RNGTT: variants seen among roughly 807,000 people sequenced by gnomAD.
RNGTT encodes RNA guanylyltransferase and 5'-phosphatase.
A neutral mutation model predicts 79.3 loss-of-function variants in RNGTT; 33 were observed. The ratio of observed to expected loss-of-function variants is 0.42; its 90% CI spans 0.32 to 0.56. The LOEUF is 0.56. Ranked by LOEUF, RNGTT falls within the 20% of genes least tolerant of loss-of-function variation. The pLI is 0.17. For synonymous variants in RNGTT, 222 were observed against 235.9 expected (o/e 0.94, Z 0.54); for missense variants, 497 against 739.1 (o/e 0.67, Z 3.80).
At position 88,705,055 on chromosome 6, in the gene RNGTT, C is replaced by T. The variant is rs566836741; in HGVS notation, c.1440-26636G>A. On this transcript the variant is annotated intron_variant, in intron 13 of 15. Transcript: ENST00000369485. The stretch of plus-strand genomic sequence containing the variant: ...AAAGTAGTCTTCTCATTACTAAAGA[C>T]TTCTCAACCCTAACACTAAATTGCT... Among the ~76,000 whole-genome samples the T allele has an allele frequency of 1.1e-4, 17 of 152,190 alleles. 1 individual carries two copies. The South Asian group carries it at 3.1e-3, about 28-fold the overall frequency.
chr6:88,827,715 T>A (rs886862461), intron 11 of RNGTT, among the ~76,000 whole-genome samples: 1 of 152,036 alleles, frequency 6.6e-6, no homozygotes, highest in East Asian at 1.9e-4. Flanking sequence ...GGGAGGGGCG[T>A]CTGCCATTAC....
intron 14 of RNGTT, among the ~76,000 whole-genome samples, chr6:88,644,136 T>G (rs1773436159): frequency 1.3e-5 from 2 of 151,020 alleles, no homozygotes; most frequent in African/African-American, 4.9e-5. Context: ...GAGAGAAGAA[T>G]CAAATAGACA....
intron 14 of RNGTT, among the ~76,000 whole-genome samples, chr6:88,628,195 C>A (rs955178972): frequency 2.0e-5 from 3 of 152,034 alleles, no homozygotes; most frequent in African/African-American, 7.2e-5. Context: ...GGTATAGCGG[C>A]TATTTAAAAA....
chr6:88,628,101 G>T lies in RNGTT; in HGVS notation c.1507-13706C>A, dbSNP rs3798786. Among the ~76,000 whole-genome samples the T allele has an allele frequency of 5.7e-4, 86 of 152,186 alleles. 1 individual carries two copies. The East Asian group carries it at 0.016, about 29-fold the overall frequency. On this transcript the variant is annotated intron_variant, in intron 14 of 15. Transcript: ENST00000369485. ...CAGAGTGATAATCACATTGCTCAGA[G>T]CCCTAGAGTTTCATTTTGTGTCTCT...
intron 1 of RNGTT, 129 bp downstream of exon 1, chr6:88,963,217 C>T: frequency 1.1e-6 from 1 of 876,304 alleles, no homozygotes; most frequent in Non-Finnish European, 1.8e-6. Context: ...AAGCGTAATC[C>T]GACGGAGCAT....
chr6:88,890,454 A>T (rs1783008623), intron 8 of RNGTT, 41 bp downstream of exon 8: 1 of 1,232,646 alleles, frequency 8.1e-7, no homozygotes, highest in East Asian at 2.3e-5. Flanking sequence ...TTCTTCAAGC[A>T]TTAGGGTTAT....
chr6:88,739,581 A>C (rs1194688803), intron 13 of RNGTT, among the ~76,000 whole-genome samples: 1 of 151,762 alleles, frequency 6.6e-6, no homozygotes, highest in Non-Finnish European at 1.5e-5. Context: ...ACATGTGACA[A>C]AGACAGGCTC....
intron 13 of RNGTT, among the ~76,000 whole-genome samples, chr6:88,739,102 C>T (rs1369771244): frequency 6.6e-6 from 1 of 151,952 alleles, no homozygotes; most frequent in Non-Finnish European, 1.5e-5. Flanking sequence ...CAACAGAAAT[C>T]ATTAAAAAGC....
At chr6:88,945,416 ACTTCTTT>A (rs1458936242) in intron 1 of RNGTT, among the ~76,000 whole-genome samples, 9 of 152,192 alleles carry the variant, frequency 5.9e-5, no homozygotes, top group African/African-American at 2.2e-4. Context: ...GTATCTGACA[ACTTCTTT>A]CTTCTTGAAA....
intron 1 of RNGTT, among the ~76,000 whole-genome samples, chr6:88,955,205 A>C (rs1425019863): frequency 6.6e-6 from 1 of 152,178 alleles, no homozygotes; most frequent in Admixed American, 6.5e-5. Flanking sequence ...ACAACCTATC[A>C]AAACCTCTGA....
At chr6:88,613,385 C>A (rs1358776619) in intron 15 of RNGTT, among the ~76,000 whole-genome samples, 1 of 152,162 alleles carries the variant, frequency 6.6e-6, no homozygotes, top group Non-Finnish European at 1.5e-5. Flanking sequence ...TAGTGCCAGT[C>A]CTTTTCATTT....
At chr6:88,953,205 T>C (rs1174986474) in intron 1 of RNGTT, among the ~76,000 whole-genome samples, 3 of 152,108 alleles carry the variant, frequency 2.0e-5, no homozygotes, top group Non-Finnish European at 4.4e-5. Context: ...GAAAATCAAC[T>C]TAAAGAAATT....
chr6:88,959,338 CA>C (rs1040412477), intron 1 of RNGTT, among the ~76,000 whole-genome samples: 1 of 152,088 alleles, frequency 6.6e-6, no homozygotes, highest in African/African-American at 2.4e-5. Context: ...ACCTGTCCCC[CA>C]AAAACTACTG....
rs80288176 is a variant in RNGTT, at chr6:88,827,955, G to C, written c.1269+16402C>G. On this transcript the variant is annotated intron_variant, in intron 11 of 15. Coordinates refer to ENST00000369485, the MANE Select transcript of RNGTT (RefSeq NM_003800.5). ...GTACCTGGGGGAAGGGGCAGCTATA[G>C]GCACAACTTCAGCAGACTTAAACGT... Among the ~76,000 whole-genome samples, 334 of 152,292 alleles carry C rather than the reference G, an allele frequency of 2.2e-3. 1 individual carries two copies. Among genetic ancestry groups the C allele is most frequent in the African/African-American group, 7.4e-3 (309 of 41,560 alleles).
Position 88,612,669 on chromosome 6 carries a change from G to T in RNGTT, c.*50C>A, listed in dbSNP as rs577372621. On this transcript the variant is annotated 3_prime_UTR_variant, in exon 16 of 16. Transcript: ENST00000369485. ...TCTGGCTACAAAAATGGGCAACAGC[G>T]TTTTTTCCTCATTCCTCTTTCTTCT... The T allele has an allele frequency of 2.6e-6, 4 of 1,533,258 alleles. No homozygotes were observed. The African/African-American group carries it at 5.6e-5, about 21-fold the overall frequency. The allele number at this position is 1,533,258 out of a possible 1,614,324, so 95.0% of individuals were successfully genotyped here.
rs71024314 is a variant in RNGTT, at chr6:88,901,495, CTTTTTTTTT to C, written c.684+3211_684+3219del. Reference sequence around the variant, plus strand: ...AAAAATAACTGTCAAGCACCCTGATCTTTTTTTTTTTTTTTTTTTTTTTTTTTTTGAGAT... The same window carrying C: ...AAAAATAACTGTCAAGCACCCTGATCTTTTTTTTTTTTTTTTTTTTGAGAT... On this transcript the variant is annotated intron_variant, in intron 6 of 15. Transcript: ENST00000369485. 3.0e-3 allele frequency among the ~76,000 whole-genome samples: 199 copies of C among 65,792 alleles called. 2 individuals carry two copies. In the East Asian group the frequency reaches 0.052, roughly 17 times the overall value. The allele number at this position is 65,792 out of a possible 152,430, so 43.2% of individuals were successfully genotyped here. A position where few individuals can be genotyped will look rare whatever the true frequency, so the allele number is the denominator to read the frequency against.
chr6:88,858,803 GAGA>G (rs955019119), intron 8 of RNGTT, among the ~76,000 whole-genome samples: 198 of 152,280 alleles, frequency 1.3e-3, no homozygotes, highest in African/African-American at 4.4e-3. Flanking sequence ...TGTAATGTGA[GAGA>G]AGAAGAGAAA....
chr6:88,843,172 G>C (rs913062990), intron 11 of RNGTT, among the ~76,000 whole-genome samples: 3 of 150,268 alleles, frequency 2.0e-5, no homozygotes, highest in Admixed American at 6.6e-5. Flanking sequence ...AAAGAGTGCT[G>C]GCAATGGGAA....
At chr6:88,672,863 A>G (rs1167776924) in intron 14 of RNGTT, among the ~76,000 whole-genome samples, 1 of 152,208 alleles carries the variant, frequency 6.6e-6, no homozygotes, top group East Asian at 1.9e-4. Flanking sequence ...AAACTAAAAG[A>G]TGAGTAAATA....
Sources: allele counts gnomAD v4.1 joint callset (sites outside exome capture counted in the v4.1 genomes callset), GRCh38; gene constraint gnomAD v4.1.1; transcripts MANE v1.5; gene names NCBI Gene and HGNC (gene_info 2026-07-23, HGNC 2026-07-21).